Variants in SLC4A4 observed in about 807,000 individuals in gnomAD.
SLC4A4 encodes electrogenic sodium bicarbonate cotransporter 1.
Under a neutral mutation model 111.5 loss-of-function variants are expected in SLC4A4, and 27 were observed. The ratio of observed to expected loss-of-function variants is 0.24; its 90% CI spans 0.18 to 0.33. SLC4A4 has a LOEUF of 0.33. SLC4A4 is among the 10% of genes least tolerant of loss of function. SLC4A4 has a pLI of 1.00. For missense variants in SLC4A4, 909 were observed against 1,315.5 expected (o/e 0.69, Z 4.78); for synonymous variants, 443 against 463.4 (o/e 0.96, Z 0.57).
At chr4:71,164,659 T>C (rs1744696435) in intron 2 of SLC4A4, among the ~76,000 whole-genome samples, 1 of 152,050 alleles carries the variant, frequency 6.6e-6, no homozygotes, top group East Asian at 1.9e-4. Context: ...ACTTCATGAC[T>C]AAAACACCAA....
intron 1 of SLC4A4, among the ~76,000 whole-genome samples, chr4:71,091,955 T>C (rs1411054176): frequency 6.6e-6 from 1 of 152,120 alleles, no homozygotes. Flanking sequence ...CCTTACGGAG[T>C]AGTAACATTC....
chr4:71,266,502 G>A (rs578003069), intron 3 of SLC4A4, among the ~76,000 whole-genome samples: 18 of 152,084 alleles, frequency 1.2e-4, no homozygotes, highest in Non-Finnish European at 2.2e-4. Context: ...TCACTAATTT[G>A]TCATCTTCTT....
chr4:71,191,316 T>C (rs376870047), intron 1 of SLC4A4, among the ~76,000 whole-genome samples: 1 of 152,348 alleles, frequency 6.6e-6, no homozygotes, highest in African/African-American at 2.4e-5. Flanking sequence ...CTGTAGTTGT[T>C]TGTGTAAACC....
At chr4:71,133,680 G>A (rs568489270) in intron 2 of SLC4A4, among the ~76,000 whole-genome samples, 85 of 152,314 alleles carry the variant, frequency 5.6e-4, no homozygotes, top group Admixed American at 9.8e-4. Context: ...CACTTTCAAG[G>A]AGAGGGACTC....
At chr4:71,120,949 A>AGGGCAGC (rs1560730240) in intron 2 of SLC4A4, among the ~76,000 whole-genome samples, 1 of 152,166 alleles carries the variant, frequency 6.6e-6, no homozygotes, top group Non-Finnish European at 1.5e-5. Flanking sequence ...GGCAGGAACC[A>AGGGCAGC]GGGCAGCACG....
At chr4:71,357,983 G>A (rs1421870314) in intron 6 of SLC4A4, among the ~76,000 whole-genome samples, 1 of 152,114 alleles carries the variant, frequency 6.6e-6, no homozygotes, top group Non-Finnish European at 1.5e-5. Context: ...GATAGGATTA[G>A]GTCTATCCTC....
At chr4:71,209,778 T>C (rs770958162) in intron 1 of SLC4A4, among the ~76,000 whole-genome samples, 1 of 152,150 alleles carries the variant, frequency 6.6e-6, no homozygotes, top group Non-Finnish European at 1.5e-5. Context: ...TTTGCTATTG[T>C]GGTGAGTTAT....
At chr4:71,470,070 A>G (rs930869520) in intron 13 of SLC4A4, among the ~76,000 whole-genome samples, 5 of 151,992 alleles carry the variant, frequency 3.3e-5, no homozygotes, top group African/African-American at 1.2e-4. Flanking sequence ...TAAAATTTTT[A>G]TTTTAATTTA....
At chr4:71,143,596 C>T (rs1744073337) in intron 2 of SLC4A4, among the ~76,000 whole-genome samples, 1 of 152,192 alleles carries the variant, frequency 6.6e-6, no homozygotes, top group Non-Finnish European at 1.5e-5. Context: ...TTCTCCACAT[C>T]CTCTCCAGCA....
chr4:71,427,495 T>C (rs1278293904), intron 7 of SLC4A4, among the ~76,000 whole-genome samples: 2 of 152,120 alleles, frequency 1.3e-5, no homozygotes, highest in Non-Finnish European at 2.9e-5. Flanking sequence ...TATTTCAAAG[T>C]CTGTGTCTGA....
At chr4:71,479,615 G>T (rs1728685473) in intron 14 of SLC4A4, among the ~76,000 whole-genome samples, 1 of 151,598 alleles carries the variant, frequency 6.6e-6, no homozygotes, top group African/African-American at 2.4e-5. Context: ...TATTTTTATT[G>T]TGTGCCATTC....
intron 5 of SLC4A4, among the ~76,000 whole-genome samples, chr4:71,352,691 T>C (rs1729950574): frequency 6.6e-6 from 1 of 152,192 alleles, no homozygotes; most frequent in African/African-American, 2.4e-5. Flanking sequence ...GAGCATTAAA[T>C]AAGATCATCA....
At chr4:71,480,098 T>G (rs181404264) in intron 14 of SLC4A4, among the ~76,000 whole-genome samples, 16 of 150,436 alleles carry the variant, frequency 1.1e-4, no homozygotes, top group East Asian at 4.0e-4. Flanking sequence ...CATAGCTCAG[T>G]GCAACTTCAA....
At chr4:71,140,954 T>A (rs1416148489) in intron 2 of SLC4A4, among the ~76,000 whole-genome samples, 1 of 152,226 alleles carries the variant, frequency 6.6e-6, no homozygotes, top group East Asian at 1.9e-4. Context: ...GTGGGATAAT[T>A]AAATTAAGCT....
chr4:71,528,966 A>T (rs1380659577), intron 16 of SLC4A4, among the ~76,000 whole-genome samples: 1 of 152,114 alleles, frequency 6.6e-6, no homozygotes, highest in African/African-American at 2.4e-5. Flanking sequence ...TTTTCTAAAT[A>T]TTCTACAATG....
chr4:71,311,640 A>G (rs541795654), intron 3 of SLC4A4, among the ~76,000 whole-genome samples: 1 of 152,304 alleles, frequency 6.6e-6, no homozygotes, highest in Non-Finnish European at 1.5e-5. Context: ...AACCTATGAG[A>G]ACAAAGACAA....
At chr4:71,537,228 C>T (rs1170261258) in intron 18 of SLC4A4, among the ~76,000 whole-genome samples, 1 of 140,564 alleles carries the variant, frequency 7.1e-6, no homozygotes, top group East Asian at 2.1e-4. Flanking sequence ...AATGCGTTTT[C>T]ATGCTTCCCT....
intron 1 of SLC4A4, among the ~76,000 whole-genome samples, chr4:71,077,014 G>A (rs1404560096): frequency 4.0e-5 from 6 of 149,742 alleles, no homozygotes; most frequent in African/African-American, 1.5e-4. Flanking sequence ...ACATATATAT[G>A]TGTAAAAACA....
At position 71,349,375 on chromosome 4, in the gene SLC4A4, C is replaced by T. The variant is rs558322399; in HGVS notation, c.390-537C>T. The stretch of plus-strand genomic sequence containing the variant: ...TTAAAGGAAGACACAACAAAACGTG[C>T]CGGTCTTCCTTAAGCATCAATAAAA... On this transcript the variant is annotated intron_variant, in intron 4 of 25. Transcript: ENST00000264485. 5.9e-5 allele frequency among the ~76,000 whole-genome samples: 9 copies of T among 152,262 alleles called. No homozygotes were observed. In the South Asian group the frequency reaches 1.9e-3, roughly 32 times the overall value.
Sources: allele counts gnomAD v4.1 joint callset (sites outside exome capture counted in the v4.1 genomes callset), GRCh38; gene constraint gnomAD v4.1.1; transcripts MANE v1.5; gene names NCBI Gene and HGNC (gene_info 2026-07-23, HGNC 2026-07-21).